Variants in SYTL5 observed in about 807,000 individuals in gnomAD.
SYTL5 encodes synaptotagmin like 5.
In SYTL5, 34 loss-of-function variants were observed where a neutral mutation model predicts 55.9. The ratio of observed to expected loss-of-function variants is 0.61; its 90% CI spans 0.46 to 0.81. SYTL5 has a LOEUF of 0.81. Among genes scored for constraint, SYTL5 ranks in the 30% least tolerant of loss-of-function variants. SYTL5 has a pLI of 0.00. For missense variants in SYTL5, 637 were observed against 546.7 expected, an observed-to-expected ratio of 1.17 and a Z score of -1.65; for synonymous variants, 221 against 188.7, an observed-to-expected ratio of 1.17 and a Z score of -1.40.
At chrX:37,898,838 C>T in the SYTL5 span, among the ~76,000 whole-genome samples, 2 of 111,953 alleles carry the variant, frequency 1.8e-5, no homozygotes, top group Non-Finnish European at 3.8e-5. Flanking sequence ...GATTATTTCT[C>T]TTTTTTATAG....
At chrX:38,015,901 C>T (rs1370786523) in intron 1 of SYTL5, among the ~76,000 whole-genome samples, 1 of 111,076 alleles carries the variant, frequency 9.0e-6, no homozygotes. Flanking sequence ...TCACTATCTT[C>T]TCTAAAGTGA....
the SYTL5 span, among the ~76,000 whole-genome samples, chrX:37,929,965 T>C: frequency 2.7e-5 from 3 of 112,210 alleles, no homozygotes; most frequent in South Asian, 3.7e-4. Context: ...GGTCGACTTC[T>C]AGTTAAGTCA....
At chrX:37,889,572 G>A in the SYTL5 span, among the ~76,000 whole-genome samples, 2 of 111,690 alleles carry the variant, frequency 1.8e-5, no homozygotes, top group East Asian at 5.6e-4. Context: ...TCCTGGATGT[G>A]GGATGGGCTT....
intron 13 of SYTL5, among the ~76,000 whole-genome samples, chrX:38,118,227 T>A (rs922378320): frequency 1.3e-4 from 15 of 111,857 alleles, no homozygotes; most frequent in African/African-American, 4.6e-4. Context: ...TTGAATAAAA[T>A]ATTTCAAGCA....
chrX:38,003,558 T>G (rs1933912041), upstream of SYTL5, among the ~76,000 whole-genome samples: 1 of 111,251 alleles, frequency 9.0e-6, no homozygotes, highest in African/African-American at 3.3e-5. Flanking sequence ...TACAAACCAC[T>G]GCTCAATGAA....
chrX:37,971,215 G>A, the SYTL5 span, among the ~76,000 whole-genome samples: 1 of 105,588 alleles, frequency 9.5e-6, no homozygotes. Context: ...GACTTATAAA[G>A]ACCTTCTTTT....
the SYTL5 span, among the ~76,000 whole-genome samples, chrX:37,985,577 A>G: frequency 9.1e-6 from 1 of 110,367 alleles, no homozygotes; most frequent in Non-Finnish European, 1.9e-5. Context: ...AGAAGATTTA[A>G]TATTGTCAGA....
At chrX:37,998,430 T>C in the SYTL5 span, among the ~76,000 whole-genome samples, 1 of 112,021 alleles carries the variant, frequency 8.9e-6, no homozygotes, top group African/African-American at 3.2e-5. Flanking sequence ...TGCCACCATG[T>C]TTCCCGGTGC....
chrX:37,939,674 G>C, the SYTL5 span: 15 of 112,476 alleles, frequency 1.3e-4, no homozygotes, highest in Middle Eastern at 9.2e-3. Flanking sequence ...CTACATCTGA[G>C]GCATCTGTGT....
intron 5 of SYTL5, among the ~76,000 whole-genome samples, chrX:38,075,820 C>A (rs777028290): frequency 9.0e-6 from 1 of 111,676 alleles, no homozygotes; most frequent in African/African-American, 3.2e-5. Flanking sequence ...AAGTGTATCT[C>A]CCAATGCCAT....
At chrX:37,977,101 T>G in the SYTL5 span, among the ~76,000 whole-genome samples, 1 of 111,964 alleles carries the variant, frequency 8.9e-6, no homozygotes, top group Non-Finnish European at 1.9e-5. Context: ...TAGCACTGAT[T>G]ATATTCATAA....
intron 3 of SYTL5, among the ~76,000 whole-genome samples, chrX:38,061,355 A>G (rs772133407): frequency 4.0e-4 from 45 of 112,023 alleles, no homozygotes; most frequent in Admixed American, 1.9e-4. Flanking sequence ...CTTGTTTGCT[A>G]TTCATGGAGT....
the SYTL5 span, among the ~76,000 whole-genome samples, chrX:37,982,175 T>A: frequency 9.0e-6 from 1 of 111,518 alleles, no homozygotes; most frequent in African/African-American, 3.3e-5. Context: ...ATTAAAGAAG[T>A]AAAGGAAGAT....
rs138955526 is a variant in SYTL5 at position 38,126,675 on chromosome X, C to T, written c.2138C>T (p.Thr713Ile). The change falls in exon 17 of 17, where the codon ACT becomes ATT. Residue 713 changes from threonine (T) to isoleucine (I), a missense_variant. Coordinates refer to ENST00000297875, the MANE Select transcript of SYTL5 (RefSeq NM_138780.3). ...LWQKMANNPG[T>I]PFEGVLMLRS... ...CAGAAGATGGCCAACAACCCTGGAACTCCCTTTGAGGGTGTACTCATGCTT... is the reference window on the plus strand; with the variant it reads ...CAGAAGATGGCCAACAACCCTGGAATTCCCTTTGAGGGTGTACTCATGCTT... The T allele has an allele frequency of 5.0e-6, 6 of 1,210,255 alleles. No homozygotes were observed. The highest frequency in any genetic ancestry group is 2.3e-4 in the Middle Eastern group (1 of 4,340).
At chrX:38,043,283 A>G (rs6611014) in intron 2 of SYTL5, among the ~76,000 whole-genome samples, 6,335 of 110,013 alleles carry the variant, frequency 0.058, 332 homozygotes, top group African/African-American at 0.17. Flanking sequence ...AAATTACATA[A>G]CCATATAATA....
At chrX:38,118,952 C>CATATATATATAT (rs36070047) in intron 13 of SYTL5, among the ~76,000 whole-genome samples, 48 of 89,720 alleles carry the variant, frequency 5.3e-4, no homozygotes, top group Admixed American at 2.3e-3. Flanking sequence ...TACGCATATA[C>CATATATATATAT]ATATATATAT....
chrX:38,076,780 T>C (rs1602372286), intron 6 of SYTL5, 79 bp downstream of exon 6: 18 of 1,034,128 alleles, frequency 1.7e-5, no homozygotes, highest in Non-Finnish European at 2.1e-5. Flanking sequence ...GGATTTTAGG[T>C]ATCTGTGAAA....
the SYTL5 span, among the ~76,000 whole-genome samples, chrX:37,960,798 A>AT: frequency 1.1e-5 from 1 of 87,723 alleles, no homozygotes; most frequent in African/African-American, 4.3e-5. Flanking sequence ...TTATTTATTT[A>AT]TTTATTTATT....
chrX:37,964,881 G>T, the SYTL5 span, among the ~76,000 whole-genome samples: 1 of 110,888 alleles, frequency 9.0e-6, no homozygotes. Context: ...GTAAAATTGG[G>T]TAAGGTAATC....
Sources: gnomAD v4.1 joint callset for allele counts (sites outside exome capture counted in the v4.1 genomes callset) on GRCh38, gnomAD v4.1.1 for gene constraint, MANE v1.5 for transcripts, NCBI Gene and HGNC (gene_info 2026-07-23, HGNC 2026-07-21) for gene names.